Variants in GPR137C observed in about 807,000 individuals in gnomAD.
GPR137C encodes the protein integral membrane protein GPR137C.
A neutral mutation model predicts 43.4 loss-of-function variants in GPR137C; 27 were observed. That is an observed-to-expected ratio of 0.62 (90% CI 0.46 to 0.86). The LOEUF (loss-of-function observed/expected upper bound fraction) is 0.86. Among genes scored for constraint, GPR137C ranks in the 40% least tolerant of loss-of-function variants. The probability of loss-of-function intolerance (pLI) is 0.00; values close to 1 mark genes in which losing one functional copy is unlikely to be tolerated. For missense variants in GPR137C, 522 were observed against 534.6 expected (o/e 0.98, Z 0.23); for synonymous variants, 285 against 226.9 (o/e 1.26, Z -2.30).
chr14:52,599,464 C>T (rs72684256), intron 2 of GPR137C, among the ~76,000 whole-genome samples: 15,545 of 146,336 alleles, frequency 0.11, 1,133 homozygotes, highest in East Asian at 0.37. Context: ...GATACAGTCT[C>T]GCAGTCTCAC....
chr14:52,592,153 C>G (rs1031663358), intron 1 of GPR137C, among the ~76,000 whole-genome samples: 1 of 152,138 alleles, frequency 6.6e-6, no homozygotes, highest in African/African-American at 2.4e-5. Context: ...GGTGTTATTT[C>G]TGAGGGCTCT....
chr14:52,579,677 T>G (rs1463811937), intron 1 of GPR137C, among the ~76,000 whole-genome samples: 1 of 152,160 alleles, frequency 6.6e-6, no homozygotes, highest in African/African-American at 2.4e-5. Context: ...AAAAGATACA[T>G]AAAGCCTGGA....
At chr14:52,609,245 G>A (rs1156409182) in intron 3 of GPR137C, among the ~76,000 whole-genome samples, 1 of 151,944 alleles carries the variant, frequency 6.6e-6, no homozygotes, top group African/African-American at 2.4e-5. Context: ...CAGCTCCTGA[G>A]TTTCTGTTTG....
intron 3 of GPR137C, among the ~76,000 whole-genome samples, chr14:52,608,443 T>G (rs991672949): frequency 2.0e-5 from 3 of 152,214 alleles, no homozygotes; most frequent in African/African-American, 7.2e-5. Flanking sequence ...CAATTTGCAT[T>G]TTTATATTGC....
At chr14:52,622,291 A>G (rs976519040) in intron 3 of GPR137C, among the ~76,000 whole-genome samples, 2 of 152,022 alleles carry the variant, frequency 1.3e-5, no homozygotes, top group African/African-American at 2.4e-5. Flanking sequence ...TGTCCTCTCC[A>G]TTGGTCAATC....
intron 1 of GPR137C, among the ~76,000 whole-genome samples, chr14:52,594,008 C>T (rs2038818084): frequency 6.6e-6 from 1 of 152,122 alleles, no homozygotes; most frequent in African/African-American, 2.4e-5. Context: ...TAAATGTGTC[C>T]CAGAAATTCT....
intron 3 of GPR137C, among the ~76,000 whole-genome samples, chr14:52,623,692 T>G (rs1278838346): frequency 2.2e-5 from 1 of 45,474 alleles, no homozygotes; most frequent in Non-Finnish European, 4.6e-5. Context: ...ATAATATTTT[T>G]TCCTTATTTA....
intron 3 of GPR137C, among the ~76,000 whole-genome samples, chr14:52,610,225 C>T (rs1406882900): frequency 6.6e-6 from 1 of 152,116 alleles, no homozygotes; most frequent in Non-Finnish European, 1.5e-5. Context: ...CATTTATTTT[C>T]TTAGTTATTT....
chr14:52,570,860 A>G (rs1424360427), intron 1 of GPR137C, among the ~76,000 whole-genome samples: 1 of 152,214 alleles, frequency 6.6e-6, no homozygotes, highest in African/African-American at 2.4e-5. Context: ...AGACCTACAA[A>G]GAGACTTAGA....
chr14:52,565,046 G>A (rs113164022), intron 1 of GPR137C, among the ~76,000 whole-genome samples: 281 of 152,246 alleles, frequency 1.8e-3, no homozygotes, highest in African/African-American at 6.4e-3. Context: ...GTGGTGAATC[G>A]GAAAGCACGT....
chr14:52,581,337 A>T (rs538866440), intron 1 of GPR137C, among the ~76,000 whole-genome samples: 1 of 151,138 alleles, frequency 6.6e-6, no homozygotes, highest in Admixed American at 6.6e-5. Flanking sequence ...AGTTCAACAC[A>T]GGCCAGCCAA....
intron 1 of GPR137C, among the ~76,000 whole-genome samples, chr14:52,562,603 G>A (rs2038303147): frequency 1.3e-5 from 2 of 151,832 alleles, no homozygotes; most frequent in Admixed American, 1.3e-4. Context: ...TTAAAAAACA[G>A]CAAACAAAAA....
At chr14:52,629,827 G>A (rs940982706) in intron 3 of GPR137C, among the ~76,000 whole-genome samples, 4 of 152,166 alleles carry the variant, frequency 2.6e-5, no homozygotes, top group Admixed American at 2.6e-4. Flanking sequence ...CGTTCTAAAA[G>A]TATCTGTAAA....
chr14:52,636,026 T>C lies in GPR137C; in HGVS notation c.*911T>C, dbSNP rs771296420. On this transcript the variant is annotated 3_prime_UTR_variant, in exon 7 of 7. Coordinates refer to ENST00000321662, the MANE Select transcript of GPR137C (RefSeq NM_001099652.2). ...CATTTGATTTCTCTGAAGCATGATA[T>C]AGCTGGTCTTACCTAGTGAATCAGG... 3.3e-5 allele frequency: 5 copies of C among 152,148 alleles called. No homozygotes were observed. The highest frequency in any genetic ancestry group is 5.9e-5 in the Non-Finnish European group (4 of 67,994). The allele number at this position is 152,148 out of a possible 1,614,324, so 9.4% of individuals were successfully genotyped here. A position where few individuals can be genotyped will look rare whatever the true frequency, so the allele number is the denominator to read the frequency against.
chr14:52,592,318 C>CT (rs939630891), intron 1 of GPR137C, among the ~76,000 whole-genome samples: 20 of 152,176 alleles, frequency 1.3e-4, no homozygotes, highest in African/African-American at 4.8e-4. Flanking sequence ...TATGGGGGCT[C>CT]TTTTTTGGTT....
At chr14:52,622,709 A>G (rs777422052) in intron 3 of GPR137C, among the ~76,000 whole-genome samples, 4 of 152,078 alleles carry the variant, frequency 2.6e-5, no homozygotes, top group Non-Finnish European at 4.4e-5. Context: ...TAACAAGTCA[A>G]TCACGTAAGT....
chr14:52,590,989 AC>A (rs1195108217), intron 1 of GPR137C, among the ~76,000 whole-genome samples: 1 of 45,258 alleles, frequency 2.2e-5, no homozygotes, highest in African/African-American at 8.1e-5. Flanking sequence ...CCAGCCCCCC[AC>A]CCCCTTATAG....
intron 3 of GPR137C, among the ~76,000 whole-genome samples, chr14:52,601,862 A>G (rs909460807): frequency 6.6e-6 from 1 of 151,974 alleles, no homozygotes; most frequent in Non-Finnish European, 1.5e-5. Flanking sequence ...TGAAATAGAT[A>G]ATACTCTGAA....
intron 3 of GPR137C, chr14:52,613,197 G>C (rs1002986470): frequency 1.8e-4 from 26 of 148,564 alleles, no homozygotes; most frequent in African/African-American, 6.2e-4. Flanking sequence ...AGTGAGCTGA[G>C]ATCATGCCAC....
Sources: allele counts gnomAD v4.1 joint callset (sites outside exome capture counted in the v4.1 genomes callset), GRCh38; gene constraint gnomAD v4.1.1; transcripts MANE v1.5; gene names NCBI Gene and HGNC (gene_info 2026-07-23, HGNC 2026-07-21).